Variants in TBC1D15 observed in about 807,000 individuals in gnomAD.
The protein encoded by TBC1D15 is GAP for RAB7.
In TBC1D15, 39 loss-of-function variants were observed where a neutral mutation model predicts 95.4. The observed-to-expected ratio is 0.41, with a 90% CI of 0.32 to 0.53. The LOEUF is 0.53. Among genes scored for constraint, TBC1D15 ranks in the 20% least tolerant of loss-of-function variants. The probability of loss-of-function intolerance (pLI) is 0.29; values close to 1 mark genes in which losing one functional copy is unlikely to be tolerated. For synonymous variants in TBC1D15, 258 were observed against 261.3 expected (o/e 0.99, Z 0.12); for missense variants, 733 against 794.3 (o/e 0.92, Z 0.93).
At chr12:71,886,533 T>C (rs1429195155) in intron 5 of TBC1D15, among the ~76,000 whole-genome samples, 1 of 152,220 alleles carries the variant, frequency 6.6e-6, no homozygotes, top group Non-Finnish European at 1.5e-5. Context: ...AAATTTAGAT[T>C]ACATAAGGCT....
At chr12:71,889,403 C>T (rs1253686987) in intron 5 of TBC1D15, among the ~76,000 whole-genome samples, 3 of 152,132 alleles carry the variant, frequency 2.0e-5, no homozygotes, top group African/African-American at 7.2e-5. Context: ...ATTTTATCTC[C>T]AAGGCCCCTC....
Position 71,923,470 on chromosome 12 carries a change from T to A in TBC1D15, c.*266T>A. 5.6e-6 allele frequency: 2 copies of A among 357,450 alleles called. No individual in the cohort carries two copies. 22.1% of individuals were successfully genotyped at this position (357,450 alleles called of 1,614,324 possible). A position where few individuals can be genotyped will look rare whatever the true frequency, so the allele number is the denominator to read the frequency against. ...TTATTTTCTTGCTGATGAACTGGAA[T>A]TGGATAAATATTGCAAGTGGATGAG... On this transcript the variant is annotated 3_prime_UTR_variant, in exon 17 of 17. Coordinates refer to ENST00000485960, the MANE Select transcript of TBC1D15 (RefSeq NM_001146213.3).
chr12:71,888,265 C>G (rs576532293), intron 5 of TBC1D15, among the ~76,000 whole-genome samples: 3 of 152,286 alleles, frequency 2.0e-5, no homozygotes, highest in Non-Finnish European at 4.4e-5. Flanking sequence ...GGGCGGATCA[C>G]TTGAGGTCAG....
intron 1 of TBC1D15, among the ~76,000 whole-genome samples, chr12:71,842,284 C>G (rs1422754491): frequency 6.6e-6 from 1 of 152,144 alleles, no homozygotes; most frequent in South Asian, 2.1e-4. Flanking sequence ...AAACTAGTTT[C>G]AGAAATTATC....
chr12:71,857,078 A>T (rs906126102), intron 1 of TBC1D15, among the ~76,000 whole-genome samples: 1 of 149,070 alleles, frequency 6.7e-6, no homozygotes, highest in Non-Finnish European at 1.5e-5. Flanking sequence ...TTCTTTTAAA[A>T]TTTTTTAAAT....
chr12:71,865,837 C>T (rs1891383424), intron 1 of TBC1D15, among the ~76,000 whole-genome samples: 1 of 151,990 alleles, frequency 6.6e-6, no homozygotes, highest in Non-Finnish European at 1.5e-5. Context: ...AGTGATATGC[C>T]CTTTCAGCTT....
At chr12:71,864,739 T>C (rs1055964331) in intron 1 of TBC1D15, among the ~76,000 whole-genome samples, 3 of 152,054 alleles carry the variant, frequency 2.0e-5, no homozygotes, top group African/African-American at 7.2e-5. Flanking sequence ...ACTCCTGACC[T>C]TGTGATCCAC....
intron 5 of TBC1D15, among the ~76,000 whole-genome samples, chr12:71,885,893 A>G (rs1896124743): frequency 6.6e-6 from 1 of 152,180 alleles, no homozygotes; most frequent in African/African-American, 2.4e-5. Flanking sequence ...GTAATCACAC[A>G]ACAAATTAAT....
At position 71,839,781 on chromosome 12, in the gene TBC1D15, C is replaced by T; in HGVS notation, c.-1C>T. On this transcript the variant is annotated 5_prime_UTR_variant, in exon 1 of 17. Coordinates refer to ENST00000485960, the MANE Select transcript of TBC1D15 (RefSeq NM_001146213.3). ...GTCATTACCAGGCACGCGCAGGAAA[C>T]ATGGCGGCGGCGGGTGTTGTGAGCG... 3.1e-6 allele frequency: 5 copies of T among 1,614,222 alleles called. No homozygotes were observed. The highest frequency in any genetic ancestry group is 1.3e-5 in the African/African-American group (1 of 75,068).
intron 5 of TBC1D15, among the ~76,000 whole-genome samples, chr12:71,890,425 T>C (rs1897005313): frequency 6.6e-6 from 1 of 151,922 alleles, no homozygotes; most frequent in African/African-American, 2.4e-5. Flanking sequence ...CCAAGAGAAT[T>C]AGATCAGATA....
At chr12:71,861,473 T>G (rs749143504) in intron 1 of TBC1D15, 14 of 1,536,452 alleles carry the variant, frequency 9.1e-6, no homozygotes, top group Non-Finnish European at 1.2e-5. Flanking sequence ...ATACTCCAGT[T>G]TGTTGGAGTA....
At chr12:71,898,850 AAAC>A (rs1898746215) in intron 10 of TBC1D15, among the ~76,000 whole-genome samples, 1 of 152,188 alleles carries the variant, frequency 6.6e-6, no homozygotes, top group Non-Finnish European at 1.5e-5. Context: ...GTGGACATGA[AAAC>A]AAGATCTTTT....
chr12:71,885,108 A>G (rs1225892863), intron 5 of TBC1D15, 87 bp downstream of exon 5: 1 of 1,329,406 alleles, frequency 7.5e-7, no homozygotes, highest in East Asian at 2.4e-5. Flanking sequence ...CTTGGGCATC[A>G]GTGACCTATT....
At chr12:71,852,973 A>T (rs1468684102) in intron 1 of TBC1D15, among the ~76,000 whole-genome samples, 1 of 152,204 alleles carries the variant, frequency 6.6e-6, no homozygotes, top group Admixed American at 6.5e-5. Flanking sequence ...AGGTGTTTTT[A>T]TAGCAATGCC....
At chr12:71,874,527 G>A (rs778773794) in intron 3 of TBC1D15, among the ~76,000 whole-genome samples, 7 of 151,984 alleles carry the variant, frequency 4.6e-5, no homozygotes, top group Non-Finnish European at 1.0e-4. Context: ...TGAATCCACA[G>A]ATACAGAACC....
intron 5 of TBC1D15, among the ~76,000 whole-genome samples, chr12:71,891,561 C>T (rs1232040249): frequency 2.6e-5 from 4 of 152,046 alleles, no homozygotes; most frequent in East Asian, 3.9e-4. Context: ...AATTACCTAG[C>T]GGTGTAACAG....
At chr12:71,840,182 C>T (rs574294960) in intron 1 of TBC1D15, among the ~76,000 whole-genome samples, 34 of 152,310 alleles carry the variant, frequency 2.2e-4, no homozygotes, top group African/African-American at 7.5e-4. Context: ...TCTTTTCTCT[C>T]TTTGAAGCGT....
At chr12:71,890,917 T>C (rs1298357073) in intron 5 of TBC1D15, among the ~76,000 whole-genome samples, 2 of 152,190 alleles carry the variant, frequency 1.3e-5, no homozygotes, top group Non-Finnish European at 1.5e-5. Context: ...GAATGAGACC[T>C]GTTGATTCCA....
At position 71,853,252 on chromosome 12, in the gene TBC1D15, C is replaced by G. The variant is rs546676426; in HGVS notation, c.30+13441C>G. On this transcript the variant is annotated intron_variant, in intron 1 of 16. Coordinates refer to ENST00000485960, the MANE Select transcript of TBC1D15 (RefSeq NM_001146213.3). The stretch of plus-strand genomic sequence containing the variant: ...CACATACTTTTAAACAAAATCAGAT[C>G]TCAGGAGAACTCACTATTGACATGA... Among the ~76,000 whole-genome samples the G allele has an allele frequency of 1.2e-3, 186 of 152,284 alleles. 1 individual carries two copies. Among genetic ancestry groups the G allele is most frequent in the Non-Finnish European group, 2.2e-3 (147 of 68,030 alleles).
Sources: gnomAD v4.1 joint callset for allele counts (sites outside exome capture counted in the v4.1 genomes callset) on GRCh38, gnomAD v4.1.1 for gene constraint, MANE v1.5 for transcripts, NCBI Gene and HGNC (gene_info 2026-07-23, HGNC 2026-07-21) for gene names.